Variants in FBXW7 observed in about 807,000 individuals in gnomAD.
FBXW7 encodes the protein F-box/WD repeat-containing protein 7.
Under a neutral mutation model 86.3 loss-of-function variants are expected in FBXW7, and 11 were observed. That is an observed-to-expected ratio of 0.13 (90% CI 0.08 to 0.21). The LOEUF is 0.21. Among genes scored for constraint, FBXW7 ranks in the 10% least tolerant of loss-of-function variants. The pLI is 1.00. For missense variants in FBXW7, 488 were observed against 847.4 expected, an observed-to-expected ratio of 0.58 and a Z score of 5.27; for synonymous variants, 313 against 297.9, an observed-to-expected ratio of 1.05 and a Z score of -0.52.
chr4:152,493,108 G>A (rs927326266), intron 2 of FBXW7, among the ~76,000 whole-genome samples: 3 of 151,688 alleles, frequency 2.0e-5, no homozygotes, highest in African/African-American at 4.8e-5. Context: ...AGGCTGAAGA[G>A]CAATAGATCA....
chr4:152,359,841 T>C (rs2126692084), intron 4 of FBXW7, among the ~76,000 whole-genome samples: 1 of 152,092 alleles, frequency 6.6e-6, no homozygotes, highest in African/African-American at 2.4e-5. Context: ...CCAAATTGGG[T>C]GGAGTGAGTC....
At chr4:152,524,868 C>T (rs1749364128) in intron 2 of FBXW7, among the ~76,000 whole-genome samples, 1 of 152,134 alleles carries the variant, frequency 6.6e-6, no homozygotes, top group Non-Finnish European at 1.5e-5. Flanking sequence ...AAAAGGCTTC[C>T]CCACTCACTG....
At chr4:152,464,715 G>A (rs1743250305) in intron 2 of FBXW7, among the ~76,000 whole-genome samples, 1 of 152,194 alleles carries the variant, frequency 6.6e-6, no homozygotes, top group Non-Finnish European at 1.5e-5. Flanking sequence ...GAAATTGTGT[G>A]AAGACAGTTA....
At chr4:152,512,070 C>T (rs180754145) in intron 2 of FBXW7, among the ~76,000 whole-genome samples, 1 of 152,196 alleles carries the variant, frequency 6.6e-6, no homozygotes, top group East Asian at 1.9e-4. Context: ...TTATATGAAA[C>T]TAAATATTTC....
rs549503469 is a variant in FBXW7, at chr4:152,403,683, T to C, written c.501+7620A>G. 9.1e-4 allele frequency among the ~76,000 whole-genome samples: 139 copies of C among 152,098 alleles called. 1 individual carries two copies. The highest frequency in any genetic ancestry group is 8.7e-3 in the South Asian group (42 of 4,820). On this transcript the variant is annotated intron_variant, in intron 4 of 13. Coordinates refer to ENST00000281708, the MANE Select transcript of FBXW7 (RefSeq NM_001349798.2). ...GATCTCTCGCAAGCACAGTTCACAA[T>C]AGGGTTCGTGCTCCTATTAGAATCT...
chr4:152,403,080 T>C (rs1158908881), intron 4 of FBXW7, among the ~76,000 whole-genome samples: 3 of 152,102 alleles, frequency 2.0e-5, no homozygotes, highest in Non-Finnish European at 4.4e-5. Context: ...ACCCTTAACA[T>C]GTTAAATATA....
chr4:152,481,903 A>C (rs1243230888), intron 2 of FBXW7, among the ~76,000 whole-genome samples: 1 of 152,266 alleles, frequency 6.6e-6, no homozygotes, highest in Middle Eastern at 3.2e-3. Context: ...TGCTGTGAAC[A>C]TCATTGAAAT....
chr4:152,509,931 G>A (rs1747803885), intron 2 of FBXW7, among the ~76,000 whole-genome samples: 1 of 152,194 alleles, frequency 6.6e-6, no homozygotes, highest in African/African-American at 2.4e-5. Context: ...AGGTTAAAGA[G>A]CTTGTTTTAA....
At chr4:152,441,002 G>A (rs1190220898) in intron 2 of FBXW7, among the ~76,000 whole-genome samples, 2 of 151,456 alleles carry the variant, frequency 1.3e-5, no homozygotes, top group East Asian at 1.9e-4. Flanking sequence ...AGATGGAAGC[G>A]GCAATATATC....
intron 4 of FBXW7, among the ~76,000 whole-genome samples, chr4:152,387,854 G>A (rs976221852): frequency 2.1e-4 from 32 of 151,618 alleles, no homozygotes; most frequent in Middle Eastern, 3.4e-3. Context: ...GATTACAGGT[G>A]CCCACCACCA....
chr4:152,414,785 A>G (rs564015503), intron 2 of FBXW7, among the ~76,000 whole-genome samples: 4 of 152,298 alleles, frequency 2.6e-5, no homozygotes, highest in Admixed American at 1.3e-4. Context: ...GGTACTTTAA[A>G]AAGATGCCTA....
At chr4:152,352,790 T>G (rs2126665611) in intron 4 of FBXW7, 1 of 1,592,510 alleles carries the variant, frequency 6.3e-7, no homozygotes, top group Non-Finnish European at 8.5e-7. Flanking sequence ...ACGGAGAAGA[T>G]TATTGGAGGA....
At chr4:152,461,826 T>C (rs763140944) in intron 2 of FBXW7, among the ~76,000 whole-genome samples, 8 of 152,200 alleles carry the variant, frequency 5.3e-5, no homozygotes, top group Non-Finnish European at 1.2e-4. Flanking sequence ...AACTGCAAAC[T>C]TCAGTAAGTC....
chr4:152,465,454 TAAC>T (rs1050192365), intron 2 of FBXW7, among the ~76,000 whole-genome samples: 37 of 152,302 alleles, frequency 2.4e-4, no homozygotes, highest in African/African-American at 8.4e-4. Flanking sequence ...ATTGAAAATT[TAAC>T]AACATCATTA....
At chr4:152,466,216 C>T (rs547572285) in intron 2 of FBXW7, among the ~76,000 whole-genome samples, 21 of 152,212 alleles carry the variant, frequency 1.4e-4, no homozygotes, top group African/African-American at 3.1e-4. Context: ...GATCACATAA[C>T]GTCACATAAC....
At chr4:152,456,910 AC>A (rs1730629378) in intron 2 of FBXW7, among the ~76,000 whole-genome samples, 1 of 152,226 alleles carries the variant, frequency 6.6e-6, no homozygotes, top group Non-Finnish European at 1.5e-5. Context: ...CCATGCACCA[AC>A]ATTTGTGACC....
At chr4:152,432,631 C>A (rs534523228) in intron 2 of FBXW7, among the ~76,000 whole-genome samples, 3 of 151,900 alleles carry the variant, frequency 2.0e-5, no homozygotes, top group African/African-American at 7.2e-5. Context: ...ACATAGTGAA[C>A]CCCCATCTCT....
chr4:152,468,254 T>C (rs1219554760), intron 2 of FBXW7, among the ~76,000 whole-genome samples: 1 of 152,182 alleles, frequency 6.6e-6, no homozygotes. Flanking sequence ...ACAGGTACTA[T>C]ATTATCGAGC....
intron 2 of FBXW7, among the ~76,000 whole-genome samples, chr4:152,483,018 A>G (rs1365038351): frequency 6.6e-6 from 1 of 152,164 alleles, no homozygotes; most frequent in Non-Finnish European, 1.5e-5. Context: ...CTTTTTAATC[A>G]GCTTGCTAAT....
Sources: gnomAD v4.1 joint callset for allele counts (sites outside exome capture counted in the v4.1 genomes callset) on GRCh38, gnomAD v4.1.1 for gene constraint, MANE v1.5 for transcripts, NCBI Gene and HGNC (gene_info 2026-07-23, HGNC 2026-07-21) for gene names.